CELF2: variants seen among roughly 807,000 people sequenced by gnomAD.
CELF2 encodes CUGBP Elav-like family member 2.
In CELF2, 8 loss-of-function variants were observed where a neutral mutation model predicts 62.6. The ratio of observed to expected loss-of-function variants is 0.13; its 90% CI spans 0.07 to 0.23. The LOEUF is 0.23. Among genes scored for constraint, CELF2 ranks in the 10% least tolerant of loss-of-function variants. The probability of loss-of-function intolerance (pLI) is 1.00; values close to 1 mark genes in which losing one functional copy is unlikely to be tolerated. For synonymous variants in CELF2, 258 were observed against 250.0 expected, an observed-to-expected ratio of 1.03 and a Z score of -0.30; for missense variants, 333 against 671.0, an observed-to-expected ratio of 0.50 and a Z score of 5.56.
chr10:10,757,904 G>A, the CELF2 span, among the ~76,000 whole-genome samples: 10 of 152,276 alleles, frequency 6.6e-5, no homozygotes, highest in South Asian at 8.3e-4. Context: ...AAGAAGCAAA[G>A]TTTGTAAACT....
At position 11,181,486 on chromosome 10, in the gene CELF2, CCATTTCCTCTACCTAGAGGTGT is replaced by C. The variant is rs2073360734; in HGVS notation, c.271+15811_271+15832del. Among the ~76,000 whole-genome samples the C allele has an allele frequency of 2.0e-5, 3 of 152,342 alleles. No homozygotes were observed. In the South Asian group the frequency reaches 6.2e-4, roughly 32 times the overall value. On this transcript the variant is annotated intron_variant, in intron 2 of 12. Transcript: ENST00000633077. ...TTCGTGCTCCCATGCCTGAGTCTTG[CCATTTCCTCTACCTAGAGGTGT>C]CATTTCTTCTTCCCAGTTCTGATGG...
intron 1 of CELF2, 45 bp downstream of exon 1, chr10:11,018,208 T>A: frequency 6.8e-7 from 1 of 1,468,984 alleles, no homozygotes; most frequent in Non-Finnish European, 9.1e-7. Flanking sequence ...GGCGTCCTCC[T>A]CCCAGAGTCG....
chr10:10,866,338 G>A (rs913899284), intron 1 of CELF2, among the ~76,000 whole-genome samples: 5 of 145,896 alleles, frequency 3.4e-5, no homozygotes, highest in Non-Finnish European at 1.5e-5. Flanking sequence ...TGTGCCAGGT[G>A]TGATGACTCA....
chr10:11,261,490 C>T (rs1465896603), intron 5 of CELF2, among the ~76,000 whole-genome samples: 1 of 151,036 alleles, frequency 6.6e-6, no homozygotes, highest in Non-Finnish European at 1.5e-5. Context: ...TCCCATCTTA[C>T]TCAGCGGCCC....
chr10:10,518,725 T>A, the CELF2 span, among the ~76,000 whole-genome samples: 2 of 68,914 alleles, frequency 2.9e-5, no homozygotes, highest in African/African-American at 4.5e-5. Flanking sequence ...TGATTTTTTT[T>A]TAAAAAAAAA....
intron 1 of CELF2, among the ~76,000 whole-genome samples, chr10:11,078,810 G>A (rs1429272546): frequency 6.6e-6 from 1 of 152,188 alleles, no homozygotes; most frequent in South Asian, 2.1e-4. Flanking sequence ...ACCTTTGGCT[G>A]TCCAGTGGTT....
In CELF2 at chr10:11,255,767, G is replaced by A. The variant is rs2078548278; in HGVS notation, c.404-1971G>A. On this transcript the variant is annotated intron_variant, in intron 4 of 12. Transcript: ENST00000633077. This position sits in a 1 kb window ranked among gnomAD's most constrained non-coding sequence, Gnocchi z 5.5. ...CTCTCCATTTCTAGGAGAGAAAAGA[G>A]TCTAAACTTTCATTCCATGGATGAC... Among the ~76,000 whole-genome samples the A allele has an allele frequency of 6.6e-6, 1 of 152,130 alleles. No homozygotes were observed. The highest frequency in any genetic ancestry group is 2.1e-4 in the South Asian group (1 of 4,828).
At chr10:10,551,297 G>GC in the CELF2 span, among the ~76,000 whole-genome samples, 1 of 152,122 alleles carries the variant, frequency 6.6e-6, no homozygotes, top group African/African-American at 2.4e-5. Flanking sequence ...CCTGATTGAG[G>GC]CAAGAGGGAA....
the CELF2 span, among the ~76,000 whole-genome samples, chr10:10,463,481 T>C: frequency 2.0e-5 from 3 of 152,222 alleles, no homozygotes; most frequent in South Asian, 6.2e-4. Context: ...AACGAACTTC[T>C]GTTCTTTTTC....
At chr10:10,587,404 G>A in the CELF2 span, among the ~76,000 whole-genome samples, 5 of 152,022 alleles carry the variant, frequency 3.3e-5, no homozygotes, top group Non-Finnish European at 5.9e-5. Flanking sequence ...ATCTCGGTAG[G>A]ATCCCTTGAA....
chr10:11,147,844 C>T (rs1417747671), intron 1 of CELF2, among the ~76,000 whole-genome samples: 1 of 152,198 alleles, frequency 6.6e-6, no homozygotes, highest in Non-Finnish European at 1.5e-5. Flanking sequence ...CACCTGACCA[C>T]AGGTCTGTAA....
In CELF2 at chr10:11,296,791, G is replaced by A. The variant is rs1473375903; in HGVS notation, c.976+8239G>A. Among the ~76,000 whole-genome samples the A allele has an allele frequency of 2.0e-5, 3 of 152,232 alleles. No homozygotes were observed. Among genetic ancestry groups the A allele is most frequent in the African/African-American group, 7.2e-5 (3 of 41,466 alleles). On this transcript the variant is annotated intron_variant, in intron 9 of 12. Coordinates refer to ENST00000633077, the MANE Select transcript of CELF2 (RefSeq NM_001326342.2). This position sits in a 1 kb window ranked among gnomAD's most constrained non-coding sequence, Gnocchi z 5.0. ...CAAGGAAGTAAGGGAAATTTTAGTA[G>A]AAGAGTTGACATTTGAGCCAAAATG...
At chr10:11,094,340 G>A (rs990063442) in intron 1 of CELF2, among the ~76,000 whole-genome samples, 3 of 152,208 alleles carry the variant, frequency 2.0e-5, no homozygotes, top group African/African-American at 7.2e-5. Context: ...GTCCAAATTA[G>A]CCGTGGTTAT....
chr10:10,651,805 A>T, the CELF2 span, among the ~76,000 whole-genome samples: 1 of 150,880 alleles, frequency 6.6e-6, no homozygotes, highest in African/African-American at 2.4e-5. Flanking sequence ...AACTCTAAAA[A>T]GCAGAGCGCC....
chr10:11,321,039 G>T lies in CELF2; in HGVS notation c.1097-150G>T. ...CCATTATCACGATTTATTTCTTCATGGTTTCATTTTTAGTTTCCTGTCAGT... is the reference window on the plus strand; with the variant it reads ...CCATTATCACGATTTATTTCTTCATTGTTTCATTTTTAGTTTCCTGTCAGT... On this transcript the variant is annotated intron_variant, in intron 10 of 12. Transcript: ENST00000633077. This position sits in a 1 kb window ranked among gnomAD's most constrained non-coding sequence, Gnocchi z 6.2. The T allele has an allele frequency of 7.6e-7, 1 of 1,315,784 alleles. No homozygotes were observed. Among genetic ancestry groups the T allele is most frequent in the East Asian group, 2.5e-5 (1 of 40,694 alleles). 81.5% of individuals were successfully genotyped at this position (1,315,784 alleles called of 1,614,324 possible). A position where few individuals can be genotyped will look rare whatever the true frequency, so the allele number is the denominator to read the frequency against.
the CELF2 span, among the ~76,000 whole-genome samples, chr10:10,563,920 T>A: frequency 2.0e-5 from 3 of 152,194 alleles, no homozygotes; most frequent in African/African-American, 7.2e-5. Context: ...AAGTGTTGAT[T>A]TAAGTGTAAT....
chr10:11,294,386 A>G (rs1268147965), intron 9 of CELF2, among the ~76,000 whole-genome samples: 2 of 152,144 alleles, frequency 1.3e-5, no homozygotes, highest in East Asian at 3.9e-4. Context: ...CTTATACCAC[A>G]CTTATAAAAC....
rs1345617129 is a variant in CELF2 at position 11,324,435 on chromosome 10, A to T, written c.1295-1401A>T. ...CATGTTAAATTTTGATTCCCTTAAA[A>T]CCAGAAAACATCTGGGGACCAAAGG... On this transcript the variant is annotated intron_variant, in intron 11 of 12. Transcript: ENST00000633077. The surrounding 1 kb of genome is among the most constrained non-coding windows in gnomAD (Gnocchi z 4.7). Among the ~76,000 whole-genome samples the T allele has an allele frequency of 6.6e-6, 1 of 152,174 alleles. No homozygotes were observed. Among genetic ancestry groups the T allele is most frequent in the Non-Finnish European group, 1.5e-5 (1 of 68,016 alleles).
At chr10:11,106,207 T>TTTATTTA (rs1554839841) in intron 1 of CELF2, among the ~76,000 whole-genome samples, 2 of 140,440 alleles carry the variant, frequency 1.4e-5, no homozygotes, top group Non-Finnish European at 3.1e-5. Context: ...TTTTACTTTA[T>TTTATTTA]TTTATTTATT....
Sources: allele counts gnomAD v4.1 joint callset (sites outside exome capture counted in the v4.1 genomes callset), GRCh38; gene constraint gnomAD v4.1.1; non-coding constraint Gnocchi (gnomAD v3.1); transcripts MANE v1.5; gene names NCBI Gene and HGNC (gene_info 2026-07-23, HGNC 2026-07-21).